SEMA6D: variants seen among roughly 807,000 people sequenced by gnomAD.
SEMA6D encodes the protein semaphorin-6D.
In SEMA6D, 35 loss-of-function variants were observed where a neutral mutation model predicts 106.6. The ratio of observed to expected loss-of-function variants is 0.33; its 90% confidence interval spans 0.25 to 0.44. SEMA6D has a LOEUF of 0.44. SEMA6D is among the 20% of genes least tolerant of loss of function. The pLI is 1.00. For missense variants in SEMA6D, 1,185 were observed against 1,345.9 expected (o/e 0.88, Z 1.87); for synonymous variants, 499 against 487.7 (o/e 1.02, Z -0.31).
At chr15:47,722,925 A>G in intron 1 of SEMA6D, among the ~76,000 whole-genome samples, 1 of 152,186 alleles carries the variant, frequency 6.6e-6, no homozygotes, top group Non-Finnish European at 1.5e-5. Context: ...ATTGGTAAAC[A>G]AAGTGAGGTG....
chr15:47,221,611 A>G (rs940894579), intron 1 of SEMA6D, among the ~76,000 whole-genome samples: 4 of 152,246 alleles, frequency 2.6e-5, no homozygotes, highest in Non-Finnish European at 5.9e-5. Context: ...GCTAACTTCT[A>G]AAAGAAATTT....
rs371215677 is a variant in SEMA6D, at chr15:47,568,680, T to C, written c.-86-32185T>C. 7.2e-5 allele frequency among the ~76,000 whole-genome samples: 11 copies of C among 152,084 alleles called. No homozygotes were observed. The East Asian group carries it at 1.9e-3, about 27-fold the overall frequency. On this transcript the variant is annotated intron_variant, in intron 3 of 19. Transcript: ENST00000558014. ...GTATTTATTATGTGTCCTCAGTGAGTTTCGTATTTTGTTTTATTTTCCCAT... is the reference window on the plus strand; with the variant it reads ...GTATTTATTATGTGTCCTCAGTGAGCTTCGTATTTTGTTTTATTTTCCCAT...
intron 3 of SEMA6D, among the ~76,000 whole-genome samples, chr15:47,493,158 TCTCATCC>T (rs746340221): frequency 1.2e-4 from 18 of 152,146 alleles, no homozygotes; most frequent in Non-Finnish European, 2.4e-4. Flanking sequence ...CATAGGAGGT[TCTCATCC>T]CTCATGCTTG....
chr15:47,610,926 A>G (rs2076886889), intron 4 of SEMA6D, among the ~76,000 whole-genome samples: 1 of 152,224 alleles, frequency 6.6e-6, no homozygotes, highest in Non-Finnish European at 1.5e-5. Flanking sequence ...ACTATATGTT[A>G]TATGGCAGTT....
intron 2 of SEMA6D, among the ~76,000 whole-genome samples, chr15:47,466,879 A>G (rs1406635171): frequency 6.8e-6 from 1 of 147,712 alleles, no homozygotes; most frequent in African/African-American, 2.5e-5. Context: ...GGAGTGTAGC[A>G]CCACGCCTGG....
rs1349525625 is a variant in SEMA6D at position 47,265,630 on chromosome 15, A to AT, written c.-239+81219dup. ...TTTTTGTTAACTTATTTTTCTTAGT[A>AT]TTTTTTTCTTTTCAATGTATAAATT... On this transcript the variant is annotated intron_variant, in intron 1 of 19. Coordinates refer to the SEMA6D transcript ENST00000558014. Among the ~76,000 whole-genome samples, 4 of 151,116 alleles carry AT rather than the reference A, an allele frequency of 2.6e-5. No individual in the cohort carries two copies. The East Asian group carries it at 5.9e-4, about 22-fold the overall frequency.
chr15:47,284,485 A>G (rs887035134), intron 1 of SEMA6D, among the ~76,000 whole-genome samples: 1 of 152,158 alleles, frequency 6.6e-6, no homozygotes, highest in Non-Finnish European at 1.5e-5. Flanking sequence ...TTAGTAAATG[A>G]TTGTGCTGCA....
intron 1 of SEMA6D, among the ~76,000 whole-genome samples, chr15:47,193,773 C>G (rs1894134652): frequency 6.6e-6 from 1 of 152,056 alleles, no homozygotes; most frequent in Non-Finnish European, 1.5e-5. Context: ...CCCTTCATGT[C>G]TCTAGCTCTG....
At chr15:47,730,721 G>A (rs1369636046) in intron 1 of SEMA6D, 8 of 1,605,100 alleles carry the variant, frequency 5.0e-6, no homozygotes, top group African/African-American at 2.7e-5. Context: ...ACTTTCAGCC[G>A]CTTATAGAGT....
chr15:47,548,095 G>T (rs1257883923), intron 3 of SEMA6D, among the ~76,000 whole-genome samples: 1 of 152,146 alleles, frequency 6.6e-6, no homozygotes, highest in Non-Finnish European at 1.5e-5. Context: ...AGATAAGATG[G>T]TGTGCTCTGC....
At chr15:47,739,859 TATC>T (rs1474149847) in intron 1 of SEMA6D, among the ~76,000 whole-genome samples, 2 of 152,190 alleles carry the variant, frequency 1.3e-5, no homozygotes, top group Admixed American at 1.3e-4. Context: ...CTAATAATAA[TATC>T]AACACAATAA....
At chr15:47,357,288 C>T (rs912583392) in intron 1 of SEMA6D, among the ~76,000 whole-genome samples, 4 of 151,886 alleles carry the variant, frequency 2.6e-5, no homozygotes, top group South Asian at 2.1e-4. Context: ...GAGCCAAGAT[C>T]GGGCCACTGC....
chr15:47,335,047 G>T (rs1292628623), intron 1 of SEMA6D, among the ~76,000 whole-genome samples: 2 of 152,088 alleles, frequency 1.3e-5, no homozygotes, highest in Admixed American at 1.3e-4. Context: ...TACCCACAAA[G>T]GCGAAAATTA....
Position 47,771,577 on chromosome 15 carries a change from C to A in SEMA6D, c.3014C>A (p.Thr1005Asn). Residue 1005 changes from threonine (T) to asparagine (N), a missense_variant, in exon 19 of 19, where the codon ACT becomes AAT. Transcript: ENST00000536845. ...CGTGGAGGATATATGCCCACCCCCACTGGGGCGAAGGTGGACTATATTCAG... is the reference window on the plus strand; with the variant it reads ...CGTGGAGGATATATGCCCACCCCCAATGGGGCGAAGGTGGACTATATTCAG... ...MNRGGYMPTP[T>N]GAKVDYIQGT... 1 of 1,614,150 alleles carries A rather than the reference C, an allele frequency of 6.2e-7. No individual in the cohort carries two copies. Among genetic ancestry groups the A allele is most frequent in the Non-Finnish European group, 8.5e-7 (1 of 1,179,980 alleles).
At chr15:47,364,246 G>A (rs1243431413) in intron 1 of SEMA6D, among the ~76,000 whole-genome samples, 7 of 152,160 alleles carry the variant, frequency 4.6e-5, no homozygotes, top group African/African-American at 4.8e-5. Flanking sequence ...CTGGTAGGAG[G>A]TTGTGGAACT....
At chr15:47,360,921 A>C (rs762217456) in intron 1 of SEMA6D, among the ~76,000 whole-genome samples, 4 of 152,258 alleles carry the variant, frequency 2.6e-5, no homozygotes, top group Non-Finnish European at 5.9e-5. Flanking sequence ...TCTGTCTTTG[A>C]AACCAGCCAA....
At chr15:47,284,896 G>A (rs1947458) in intron 1 of SEMA6D, among the ~76,000 whole-genome samples, 85 of 152,222 alleles carry the variant, frequency 5.6e-4, no homozygotes, top group African/African-American at 1.9e-3. Flanking sequence ...CACATGGGGC[G>A]CATCTCCTTT....
At chr15:47,403,034 A>C (rs2040448722) in intron 1 of SEMA6D, among the ~76,000 whole-genome samples, 1 of 152,218 alleles carries the variant, frequency 6.6e-6, no homozygotes, top group African/African-American at 2.4e-5. Context: ...GCAATTATGC[A>C]TTCTGGGCTA....
chr15:47,596,698 A>C (rs944972769), intron 3 of SEMA6D, among the ~76,000 whole-genome samples: 5 of 152,118 alleles, frequency 3.3e-5, no homozygotes, highest in Admixed American at 2.0e-4. Context: ...TGGCTTTAAC[A>C]AAGAGTGTTG....
Sources: gnomAD v4.1 joint callset for allele counts (sites outside exome capture counted in the v4.1 genomes callset) on GRCh38, gnomAD v4.1.1 for gene constraint, MANE v1.5 for transcripts, NCBI Gene and HGNC (gene_info 2026-07-23, HGNC 2026-07-21) for gene names.